Variants in TRIM33 observed in about 807,000 individuals in gnomAD.
TRIM33 encodes tripartite motif containing 33.
A neutral mutation model predicts 125.4 loss-of-function variants in TRIM33; 20 were observed. The ratio of observed to expected loss-of-function variants is 0.16; its 90% CI spans 0.11 to 0.23. TRIM33 has a LOEUF of 0.23. Ranked by LOEUF, TRIM33 falls within the 10% of genes least tolerant of loss-of-function variation. The probability of loss-of-function intolerance (pLI) is 1.00; values close to 1 mark genes in which losing one functional copy is unlikely to be tolerated. For synonymous variants in TRIM33, 564 were observed against 513.9 expected (o/e 1.10, Z -1.32); for missense variants, 920 against 1,411.4 (o/e 0.65, Z 5.58).
rs113822417 is a variant in TRIM33, at chr1:114,451,408, T to C, written c.923+11696A>G. Among the ~76,000 whole-genome samples, 488 of 150,580 alleles carry C rather than the reference T, an allele frequency of 3.2e-3. 1 individual carries two copies. Among genetic ancestry groups the C allele is most frequent in the Non-Finnish European group, 5.0e-3 (341 of 67,738 alleles). ...AAAAAAAAAAGGACTGAAATCCCCATTGATGTCTCTTCTCCCATTCTTAGT... is the reference window on the plus strand; with the variant it reads ...AAAAAAAAAAGGACTGAAATCCCCACTGATGTCTCTTCTCCCATTCTTAGT... On this transcript the variant is annotated intron_variant, in intron 4 of 19. Coordinates refer to ENST00000358465, the MANE Select transcript of TRIM33 (RefSeq NM_015906.4).
chr1:114,486,408 G>C (rs921480425), intron 1 of TRIM33, among the ~76,000 whole-genome samples: 2 of 151,706 alleles, frequency 1.3e-5, no homozygotes, highest in Non-Finnish European at 2.9e-5. Context: ...GATAACTTGA[G>C]GTCAGGAGGT....
chr1:114,497,025 A>G (rs1652409351), intron 1 of TRIM33, among the ~76,000 whole-genome samples: 1 of 152,232 alleles, frequency 6.6e-6, no homozygotes. Flanking sequence ...TAAAAGCATG[A>G]CATTTAAAAT....
chr1:114,465,273 A>C (rs771288837), intron 1 of TRIM33, among the ~76,000 whole-genome samples: 2 of 152,242 alleles, frequency 1.3e-5, no homozygotes, highest in South Asian at 4.1e-4. Context: ...ATAGCACCAG[A>C]GTCAACACAA....
intron 4 of TRIM33, among the ~76,000 whole-genome samples, chr1:114,456,448 G>C (rs758641313): frequency 2.0e-5 from 3 of 152,190 alleles, no homozygotes; most frequent in Non-Finnish European, 4.4e-5. Context: ...GAGACTAACA[G>C]TGAACTATGA....
intron 5 of TRIM33, among the ~76,000 whole-genome samples, chr1:114,433,226 T>C (rs549654722): frequency 2.6e-5 from 4 of 152,240 alleles, no homozygotes; most frequent in Non-Finnish European, 5.9e-5. Context: ...CTCATTAAGA[T>C]AAGCACTGTT....
intron 4 of TRIM33, 94 bp downstream of exon 4, chr1:114,463,010 C>A: frequency 1.0e-6 from 1 of 961,836 alleles, no homozygotes; most frequent in Non-Finnish European, 1.4e-6. Context: ...AAGATTAAGA[C>A]ACAAACATAT....
At chr1:114,427,585 T>G (rs1212523460) in intron 7 of TRIM33, among the ~76,000 whole-genome samples, 163 bp downstream of exon 7, 1 of 152,154 alleles carries the variant, frequency 6.6e-6, no homozygotes, top group East Asian at 1.9e-4. Context: ...GGCTGCCTAG[T>G]GGAATGAGGA....
chr1:114,432,564 A>C (rs1049377721), intron 5 of TRIM33, among the ~76,000 whole-genome samples: 4 of 152,192 alleles, frequency 2.6e-5, no homozygotes, highest in Admixed American at 6.5e-5. Flanking sequence ...AGGCAGGCGG[A>C]TCACGAGGTC....
At chr1:114,458,446 G>C (rs1281231099) in intron 4 of TRIM33, among the ~76,000 whole-genome samples, 1 of 152,020 alleles carries the variant, frequency 6.6e-6, no homozygotes, top group Non-Finnish European at 1.5e-5. Flanking sequence ...CATACCAAGA[G>C]ACTAATTCAA....
chr1:114,421,379 T>C (rs1653271683), intron 11 of TRIM33, 57 bp downstream of exon 11: 1 of 1,485,164 alleles, frequency 6.7e-7, no homozygotes, highest in Non-Finnish European at 9.4e-7. Flanking sequence ...AAATAAATAC[T>C]CTAACTCTGT....
At chr1:114,502,344 C>A (rs1263243344) in intron 1 of TRIM33, among the ~76,000 whole-genome samples, 4 of 152,122 alleles carry the variant, frequency 2.6e-5, no homozygotes, top group Non-Finnish European at 4.4e-5. Context: ...CAGGACCTCT[C>A]TTACAGTCTT....
intron 1 of TRIM33, among the ~76,000 whole-genome samples, chr1:114,506,424 A>C (rs2101584994): frequency 6.6e-6 from 1 of 152,002 alleles, no homozygotes; most frequent in East Asian, 1.9e-4. Flanking sequence ...AATGCAACTT[A>C]ATACCAATTC....
At chr1:114,402,344 G>A (rs967634062) in intron 16 of TRIM33, among the ~76,000 whole-genome samples, 8 of 152,170 alleles carry the variant, frequency 5.3e-5, no homozygotes, top group Non-Finnish European at 8.8e-5. Flanking sequence ...TAGTCCAGAT[G>A]AGAAATTATG....
At chr1:114,464,182 TA>T in intron 2 of TRIM33, 87 bp downstream of exon 2, 1 of 647,356 alleles carries the variant, frequency 1.5e-6, no homozygotes, top group Non-Finnish European at 2.6e-6. Context: ...AGAACCACCC[TA>T]AATGACTTAA....
chr1:114,470,255 G>A (rs1445354405), intron 1 of TRIM33, among the ~76,000 whole-genome samples: 1 of 152,170 alleles, frequency 6.6e-6, no homozygotes, highest in Non-Finnish European at 1.5e-5. Flanking sequence ...TGGCAACCCT[G>A]CATTAACCAA....
intron 11 of TRIM33, chr1:114,420,542 A>G: frequency 1.5e-6 from 1 of 653,702 alleles, no homozygotes; most frequent in Non-Finnish European, 2.6e-6. Context: ...TATTCCCATA[A>G]TTTGCTATTC....
intron 1 of TRIM33, among the ~76,000 whole-genome samples, chr1:114,473,779 A>C (rs1650803357): frequency 6.6e-6 from 1 of 152,212 alleles, no homozygotes; most frequent in African/African-American, 2.4e-5. Flanking sequence ...GCTATACAGA[A>C]AACAAAGAGC....
intron 11 of TRIM33, among the ~76,000 whole-genome samples, chr1:114,414,696 G>A (rs1351549924): frequency 6.6e-6 from 1 of 152,022 alleles, no homozygotes; most frequent in Non-Finnish European, 1.5e-5. Flanking sequence ...ATCTATAAAT[G>A]TCTGCATTCT....
At chr1:114,406,074 C>A (rs1177458498) in intron 14 of TRIM33, among the ~76,000 whole-genome samples, 2 of 152,136 alleles carry the variant, frequency 1.3e-5, no homozygotes, top group African/African-American at 4.8e-5. Flanking sequence ...TTATGGCACA[C>A]CCCTTTTCAC....
Sources: allele counts gnomAD v4.1 joint callset (sites outside exome capture counted in the v4.1 genomes callset), GRCh38; gene constraint gnomAD v4.1.1; transcripts MANE v1.5; gene names NCBI Gene and HGNC (gene_info 2026-07-23, HGNC 2026-07-21).